The following PREX1 variants were observed in gnomAD, a reference collection of about 807,000 sequenced individuals.
PREX1 encodes phosphatidylinositol-3,4,5-trisphosphate dependent Rac exchange factor 1, also known as phosphatidylinositol 3,4,5-trisphosphate-dependent Rac exchanger 1 protein.
A neutral mutation model predicts 198.3 loss-of-function variants in PREX1; 41 were observed. The observed-to-expected ratio is 0.21, with a 90% CI of 0.16 to 0.27. PREX1 has a LOEUF of 0.27. PREX1 is among the 10% of genes least tolerant of loss of function. PREX1 has a pLI of 1.00. For missense variants in PREX1, 1,620 were observed against 2,200.7 expected (o/e 0.74, Z 5.28); for synonymous variants, 843 against 887.2 (o/e 0.95, Z 0.89).
the PREX1 span, among the ~76,000 whole-genome samples, chr20:48,872,917 A>G: frequency 1.3e-5 from 2 of 152,128 alleles, no homozygotes; most frequent in Non-Finnish European, 2.9e-5. Context: ...CTCAACAGCA[A>G]TTTGCTGGGC....
At chr20:48,670,339 C>A (rs1224507796) in intron 14 of PREX1, among the ~76,000 whole-genome samples, 1 of 151,324 alleles carries the variant, frequency 6.6e-6, no homozygotes, top group East Asian at 2.0e-4. Context: ...ACCATCAGTA[C>A]CTGCCATCTG....
intron 6 of PREX1, among the ~76,000 whole-genome samples, chr20:48,702,981 G>A (rs1878411441): frequency 1.3e-5 from 2 of 152,216 alleles, no homozygotes; most frequent in African/African-American, 2.4e-5. Context: ...GCCTGGAAAT[G>A]AACTTGGGGA....
chr20:48,719,666 TGTCCAATA>T (rs1283574786), intron 5 of PREX1, among the ~76,000 whole-genome samples: 1 of 152,088 alleles, frequency 6.6e-6, no homozygotes, highest in Non-Finnish European at 1.5e-5. Context: ...AAAGGACAAT[TGTCCAATA>T]GAAAATGGGC....
intron 1 of PREX1, among the ~76,000 whole-genome samples, chr20:48,798,449 C>A (rs1291408094): frequency 1.3e-5 from 2 of 152,214 alleles, no homozygotes; most frequent in African/African-American, 2.4e-5. Context: ...CGGCAGGCTG[C>A]CACACTGGGA....
chr20:48,680,598 C>T (rs1485670710), intron 11 of PREX1, among the ~76,000 whole-genome samples: 1 of 152,150 alleles, frequency 6.6e-6, no homozygotes, highest in African/African-American at 2.4e-5. Context: ...ATTCCCTGCA[C>T]AACCCACTTA....
At chr20:48,657,810 A>G (rs925412036) in intron 17 of PREX1, among the ~76,000 whole-genome samples, 3 of 152,134 alleles carry the variant, frequency 2.0e-5, no homozygotes, top group African/African-American at 7.2e-5. Context: ...TCAGACAGCA[A>G]TGAGCTTATC....
At chr20:48,808,036 A>G (rs186571142) in intron 1 of PREX1, among the ~76,000 whole-genome samples, 1 of 152,268 alleles carries the variant, frequency 6.6e-6, no homozygotes, top group Non-Finnish European at 1.5e-5. Context: ...CCCAGGAGTA[A>G]CAAAGATGGC....
rs1418013632 is a variant in PREX1, at chr20:48,708,512, A to G, written c.622-91T>C. 3 of 1,383,974 alleles carry G rather than the reference A, an allele frequency of 2.2e-6. No individual in the cohort carries two copies. The East Asian group carries it at 6.9e-5, about 32-fold the overall frequency. The allele number at this position is 1,383,974 out of a possible 1,614,324, so 85.7% of individuals were successfully genotyped here. ...AGAGCTGAACCCAAGAAAACAGACA[A>G]AAACTCCTCGCCTGGTGGACATTAC... On this transcript the variant is annotated intron_variant, in intron 5 of 39. Transcript: ENST00000371941.
At chr20:48,788,750 T>G (rs1676492151) in intron 1 of PREX1, among the ~76,000 whole-genome samples, 1 of 152,230 alleles carries the variant, frequency 6.6e-6, no homozygotes, top group African/African-American at 2.4e-5. Flanking sequence ...AAGAGGTGAC[T>G]GGCTCATAAG....
intron 1 of PREX1, among the ~76,000 whole-genome samples, chr20:48,819,515 T>C (rs913813728): frequency 6.6e-6 from 1 of 152,206 alleles, no homozygotes; most frequent in Non-Finnish European, 1.5e-5. Flanking sequence ...TTTATTTCCT[T>C]CTGTCTGAAT....
intron 1 of PREX1, among the ~76,000 whole-genome samples, chr20:48,800,294 CT>C (rs1052257386): frequency 2.0e-5 from 3 of 152,118 alleles, no homozygotes; most frequent in African/African-American, 4.8e-5. Context: ...TGATAAGCCC[CT>C]TATCAGTAGG....
chr20:48,667,750 C>T (rs1253298389), intron 14 of PREX1, among the ~76,000 whole-genome samples: 2 of 152,216 alleles, frequency 1.3e-5, no homozygotes, highest in Non-Finnish European at 2.9e-5. Flanking sequence ...GTGCTGGACC[C>T]TGCGGGTTTG....
rs965989094 is a variant in PREX1, at chr20:48,708,902, C to T, written c.622-481G>A. ...TCCGCGGTCACAGAGGCGGCCCCAACACTGCTCCTCCCCAGGCCCGGTTTT... is the reference window on the plus strand; with the variant it reads ...TCCGCGGTCACAGAGGCGGCCCCAATACTGCTCCTCCCCAGGCCCGGTTTT... On this transcript the variant is annotated intron_variant, in intron 5 of 39. Coordinates refer to ENST00000371941, the MANE Select transcript of PREX1 (RefSeq NM_020820.4). 7.9e-5 allele frequency among the ~76,000 whole-genome samples: 12 copies of T among 152,272 alleles called. No individual in the cohort carries two copies. In the East Asian group the frequency reaches 2.1e-3, roughly 27 times the overall value.
chr20:48,828,426 A>C (rs980324841), upstream of PREX1, among the ~76,000 whole-genome samples: 1 of 152,052 alleles, frequency 6.6e-6, no homozygotes. Flanking sequence ...GCTCGGGCCA[A>C]GTAAACACCG....
chr20:48,684,250 G>A lies in PREX1; in HGVS notation c.1335-2915C>T, dbSNP rs530454719. Among the ~76,000 whole-genome samples, 4 of 152,236 alleles carry A rather than the reference G, an allele frequency of 2.6e-5. No individual in the cohort carries two copies. The South Asian group carries it at 6.2e-4, about 24-fold the overall frequency. Reference sequence around the variant, plus strand: ...TTCCTAAGAAAGCCGCCTGAGCTCAGGCCCAAGGTACCACTTATGACCCAA... The same window carrying A: ...TTCCTAAGAAAGCCGCCTGAGCTCAAGCCCAAGGTACCACTTATGACCCAA... On this transcript the variant is annotated intron_variant, in intron 10 of 39. Coordinates refer to ENST00000371941, the MANE Select transcript of PREX1 (RefSeq NM_020820.4). This position sits in a 1 kb window ranked among gnomAD's most constrained non-coding sequence, Gnocchi z 4.2.
chr20:48,656,719 C>G (rs896161377), intron 18 of PREX1, among the ~76,000 whole-genome samples: 1 of 152,224 alleles, frequency 6.6e-6, no homozygotes, highest in Non-Finnish European at 1.5e-5. Context: ...GCCACGCTCA[C>G]CAGCACAGGC....
At chr20:48,840,787 C>A in the PREX1 span, among the ~76,000 whole-genome samples, 1 of 152,132 alleles carries the variant, frequency 6.6e-6, no homozygotes, top group South Asian at 2.1e-4. Flanking sequence ...AAAATTAGAG[C>A]GAGTTCTGTT....
upstream of PREX1, among the ~76,000 whole-genome samples, chr20:48,830,751 C>G (rs534370041): frequency 2.6e-5 from 4 of 152,226 alleles, no homozygotes; most frequent in African/African-American, 7.2e-5. Flanking sequence ...TACTTAAGCT[C>G]TCTGTGCCTT....
intron 4 of PREX1, among the ~76,000 whole-genome samples, chr20:48,731,987 G>A: frequency 6.6e-6 from 1 of 152,176 alleles, no homozygotes; most frequent in East Asian, 1.9e-4. Context: ...CTCAGCCAGG[G>A]AGCCCAGAGC....
Sources: gnomAD v4.1 joint callset for allele counts (sites outside exome capture counted in the v4.1 genomes callset) on GRCh38, gnomAD v4.1.1 for gene constraint, Gnocchi (gnomAD v3.1) non-coding constraint, MANE v1.5 for transcripts, NCBI Gene and HGNC (gene_info 2026-07-23, HGNC 2026-07-21) for gene names.